The following SUGT1 variants were observed in gnomAD, a reference collection of about 807,000 sequenced individuals.
SUGT1 encodes the protein SGT1 assembly cochaperone of MIS12 kinetochore complex, also known as protein SGT1 homolog.
SUGT1 carries 15 observed loss-of-function variants against 56.1 expected under a neutral mutation model. The observed-to-expected ratio is 0.27, with a 90% CI of 0.18 to 0.41. The LOEUF is 0.41. Ranked by LOEUF, SUGT1 falls within the 10% of genes least tolerant of loss-of-function variation. The probability of loss-of-function intolerance (pLI) is 1.00; values close to 1 mark genes in which losing one functional copy is unlikely to be tolerated. For synonymous variants in SUGT1, 123 were observed against 128.6 expected, an observed-to-expected ratio of 0.96 and a Z score of 0.30; for missense variants, 347 against 382.2, an observed-to-expected ratio of 0.91 and a Z score of 0.77.
rs538312141 is a variant in SUGT1, at chr13:52,670,581, C to T, written c.627+3662C>T. Among the ~76,000 whole-genome samples, 534 of 152,202 alleles carry T rather than the reference C, an allele frequency of 3.5e-3. 2 individuals carry two copies. Among genetic ancestry groups the T allele is most frequent in the Non-Finnish European group, 5.6e-3 (383 of 68,006 alleles). On this transcript the variant is annotated intron_variant, in intron 10 of 12. Transcript: ENST00000310528. ...CAACACTTTGGTAGGCCAAGGCGGT[C>T]GGATCACTTGAGGTCAAGAGTTCGA...
chr13:52,659,815 T>TATATATATATATA (rs57747988), intron 5 of SUGT1, among the ~76,000 whole-genome samples: 5 of 25,268 alleles, frequency 2.0e-4, no homozygotes, highest in Admixed American at 6.1e-4. Flanking sequence ...TATATATATA[T>TATATATATATATA]TTTTTTTTTT....
chr13:52,660,286 G>A (rs1169619841), intron 5 of SUGT1, among the ~76,000 whole-genome samples: 1 of 152,044 alleles, frequency 6.6e-6, no homozygotes, highest in Non-Finnish European at 1.5e-5. Flanking sequence ...AACTGGAAAC[G>A]GTTTTGCTTC....
intron 10 of SUGT1, among the ~76,000 whole-genome samples, chr13:52,673,158 TCATTTTTA>T (rs1318914873): frequency 6.6e-6 from 1 of 152,206 alleles, no homozygotes; most frequent in Non-Finnish European, 1.5e-5. Flanking sequence ...ACTTAAAACT[TCATTTTTA>T]AAAGCATGTA....
intron 10 of SUGT1, among the ~76,000 whole-genome samples, chr13:52,669,592 G>A (rs1962849025): frequency 6.6e-6 from 1 of 152,120 alleles, no homozygotes; most frequent in Admixed American, 6.5e-5. Flanking sequence ...CCAAACTAGT[G>A]CATCTTTGCT....
At chr13:52,653,182 C>A (rs2138096360) in intron 2 of SUGT1, 79 bp downstream of exon 2, 2 of 1,550,264 alleles carry the variant, frequency 1.3e-6, no homozygotes, top group Non-Finnish European at 1.8e-6. Flanking sequence ...CCCGCCTTCT[C>A]CCCGCACCGC....
chr13:52,686,595 A>G (rs1594260361), intron 12 of SUGT1, among the ~76,000 whole-genome samples: 1 of 152,176 alleles, frequency 6.6e-6, no homozygotes, highest in African/African-American at 2.4e-5. Flanking sequence ...AAGCCCATGT[A>G]AGGGAGCTCG....
intron 1 of SUGT1, 39 bp downstream of exon 1, chr13:52,652,997 C>T (rs1185233771): frequency 1.9e-6 from 3 of 1,614,200 alleles, no homozygotes; most frequent in East Asian, 4.5e-5. Context: ...TATTTTATCC[C>T]CCTTTCCTTG....
At chr13:52,687,092 A>AAAAAAAT (rs1963623150) in intron 12 of SUGT1, 1 of 150,740 alleles carries the variant, frequency 6.6e-6, no homozygotes, top group East Asian at 1.9e-4. Flanking sequence ...AAAAAAAAAA[A>AAAAAAAT]GAAATGTCCA....
chr13:52,658,835 T>A (rs1433705990), intron 4 of SUGT1, among the ~76,000 whole-genome samples: 1 of 151,806 alleles, frequency 6.6e-6, no homozygotes, highest in Non-Finnish European at 1.5e-5. Context: ...CATTTAATGC[T>A]ATGAAAGCGC....
chr13:52,674,443 G>C (rs1963065184), intron 10 of SUGT1, among the ~76,000 whole-genome samples: 1 of 152,110 alleles, frequency 6.6e-6, no homozygotes, highest in Non-Finnish European at 1.5e-5. Flanking sequence ...CTTGAGACCA[G>C]ATACCCCACA....
At chr13:52,685,260 T>TC (rs1963537414) in intron 12 of SUGT1, among the ~76,000 whole-genome samples, 1 of 1,518 alleles carries the variant, frequency 6.6e-4, no homozygotes, top group Admixed American at 4.9e-3. Flanking sequence ...CTTCTTCTTT[T>TC]TTTTTTTTTT....
At chr13:52,683,724 T>G (rs1373725755) in intron 12 of SUGT1, among the ~76,000 whole-genome samples, 1 of 152,210 alleles carries the variant, frequency 6.6e-6, no homozygotes. Flanking sequence ...GGAGATTTCT[T>G]TATTAGGAGA....
chr13:52,657,987 C>G (rs1239891998), intron 3 of SUGT1: 14 of 777,788 alleles, frequency 1.8e-5, no homozygotes, highest in South Asian at 2.4e-5. Context: ...TTTGGGAGAC[C>G]AAAGCAGGAG....
chr13:52,682,002 C>T, intron 12 of SUGT1, among the ~76,000 whole-genome samples: 1 of 120,572 alleles, frequency 8.3e-6, no homozygotes, highest in East Asian at 2.8e-4. Context: ...CACATATTTT[C>T]TCCCAGTATG....
In SUGT1 at chr13:52,694,143, C is replaced by A. The variant is rs1240344845; in HGVS notation, c.*6308C>A. 5 of 152,098 alleles carry A rather than the reference C, an allele frequency of 3.3e-5. No individual in the cohort carries two copies. Among genetic ancestry groups the A allele is most frequent in the African/African-American group, 1.2e-4 (5 of 41,412 alleles). 9.4% of individuals were successfully genotyped at this position (152,098 alleles called of 1,614,324 possible). A position where few individuals can be genotyped will look rare whatever the true frequency, so the allele number is the denominator to read the frequency against. Reference sequence around the variant, plus strand: ...CTGTATTGCATTATCTTCTAAAATCCAAAATTCTGACTTCAAAAACTCATC... The same window carrying A: ...CTGTATTGCATTATCTTCTAAAATCAAAAATTCTGACTTCAAAAACTCATC... On this transcript the variant is annotated 3_prime_UTR_variant, in exon 13 of 13. Coordinates refer to ENST00000310528, the MANE Select transcript of SUGT1 (RefSeq NM_006704.5).
chr13:52,671,875 G>T (rs1338359860), intron 10 of SUGT1, among the ~76,000 whole-genome samples: 1 of 151,932 alleles, frequency 6.6e-6, no homozygotes, highest in Non-Finnish European at 1.5e-5. Context: ...CTCAACCCCT[G>T]GTTATTTCTT....
intron 11 of SUGT1, among the ~76,000 whole-genome samples, 166 bp downstream of exon 11, chr13:52,676,486 A>C: frequency 6.6e-6 from 1 of 152,224 alleles, no homozygotes; most frequent in East Asian, 1.9e-4. Context: ...CTTTCTGTGA[A>C]AGTTCTGACT....
intron 10 of SUGT1, among the ~76,000 whole-genome samples, chr13:52,671,310 A>C (rs185150968): frequency 6.7e-4 from 11 of 16,430 alleles, no homozygotes; most frequent in Non-Finnish European, 1.1e-3. Flanking sequence ...ATGTATATTT[A>C]TATATTTTTA....
At chr13:52,683,336 G>A (rs1476093166) in intron 12 of SUGT1, among the ~76,000 whole-genome samples, 1 of 151,962 alleles carries the variant, frequency 6.6e-6, no homozygotes, top group Non-Finnish European at 1.5e-5. Flanking sequence ...TTAACTTTTT[G>A]TCAGATGTTT....
Sources: gnomAD v4.1 joint callset for allele counts (sites outside exome capture counted in the v4.1 genomes callset) on GRCh38, gnomAD v4.1.1 for gene constraint, MANE v1.5 for transcripts, NCBI Gene and HGNC (gene_info 2026-07-23, HGNC 2026-07-21) for gene names.